SLIT1: variants seen among roughly 807,000 people sequenced by gnomAD.
SLIT1 encodes slit homolog 1 protein.
In SLIT1, 66 loss-of-function variants were observed where a neutral mutation model predicts 186.1. That is an observed-to-expected ratio of 0.35 (90% CI 0.29 to 0.44). The LOEUF (loss-of-function observed/expected upper bound fraction) is 0.44, where lower values mean the gene tolerates loss of function less well. Among genes scored for constraint, SLIT1 ranks in the 20% least tolerant of loss-of-function variants. SLIT1 has a pLI of 1.00. For missense variants in SLIT1, 1,638 were observed against 2,037.4 expected, an observed-to-expected ratio of 0.80 and a Z score of 3.77; for synonymous variants, 761 against 833.8, an observed-to-expected ratio of 0.91 and a Z score of 1.50.
At chr10:97,149,445 A>T (rs1270512063) in intron 4 of SLIT1, among the ~76,000 whole-genome samples, 1 of 152,158 alleles carries the variant, frequency 6.6e-6, no homozygotes, top group Non-Finnish European at 1.5e-5. Flanking sequence ...CTTACTTAGC[A>T]TGGCTCTCAC....
chr10:97,039,935 C>T, intron 21 of SLIT1, 53 bp downstream of exon 21: 1 of 1,594,640 alleles, frequency 6.3e-7, no homozygotes, highest in Non-Finnish European at 8.5e-7. Context: ...AATGCCCCCA[C>T]TGTCCCCGTC....
chr10:97,146,904 A>G (rs1441346511), intron 4 of SLIT1, among the ~76,000 whole-genome samples: 1 of 152,078 alleles, frequency 6.6e-6, no homozygotes, highest in Non-Finnish European at 1.5e-5. Flanking sequence ...CCTCTGTCCA[A>G]TCTGGTGGAA....
At chr10:97,170,298 A>T (rs1850170795) in intron 1 of SLIT1, among the ~76,000 whole-genome samples, 1 of 152,182 alleles carries the variant, frequency 6.6e-6, no homozygotes, top group Non-Finnish European at 1.5e-5. Flanking sequence ...TGATGGTAAG[A>T]CCCACTTCTT....
At position 97,000,990 on chromosome 10, in the gene SLIT1, C is replaced by T. The variant is rs1421761682; in HGVS notation, c.*122G>A. 1.3e-5 allele frequency: 10 copies of T among 745,402 alleles called. No individual in the cohort carries two copies. Among genetic ancestry groups the T allele is most frequent in the African/African-American group, 1.8e-5 (1 of 56,792 alleles). 46.2% of individuals were successfully genotyped at this position (745,402 alleles called of 1,614,324 possible). A position where few individuals can be genotyped will look rare whatever the true frequency, so the allele number is the denominator to read the frequency against. On this transcript the variant is annotated 3_prime_UTR_variant, in exon 37 of 37. Transcript: ENST00000266058. Reference sequence around the variant, plus strand: ...TCTGGCACCACCCCACCCAGGAGGGCCCAGCTGCCCAGGAGCCGTCCTGTG... The same window carrying T: ...TCTGGCACCACCCCACCCAGGAGGGTCCAGCTGCCCAGGAGCCGTCCTGTG...
intron 1 of SLIT1, among the ~76,000 whole-genome samples, chr10:97,171,147 T>C (rs1042054340): frequency 1.1e-4 from 16 of 152,178 alleles, no homozygotes; most frequent in Admixed American, 1.0e-3. Flanking sequence ...TGCTTTGAAA[T>C]CTTACCCTGG....
At chr10:97,017,852 T>TC (rs1848467252) in intron 28 of SLIT1, among the ~76,000 whole-genome samples, 1 of 150,248 alleles carries the variant, frequency 6.7e-6, no homozygotes, top group African/African-American at 2.4e-5. Flanking sequence ...TCTTTTCTTT[T>TC]TTTTTTTTTT....
intron 5 of SLIT1, chr10:97,065,600 G>A (rs2134641257): frequency 5.6e-6 from 1 of 178,298 alleles, no homozygotes; most frequent in Non-Finnish European, 1.2e-5. Flanking sequence ...CCATTTTCCA[G>A]AACAATATAT....
At chr10:97,063,425 G>A (rs1343281375) in intron 8 of SLIT1, 30 bp downstream of exon 8, 2 of 1,610,914 alleles carry the variant, frequency 1.2e-6, no homozygotes. Context: ...GCGCCGGACA[G>A]TTGAGAGCCC....
chr10:97,173,665 G>A (rs1850220026), intron 1 of SLIT1, among the ~76,000 whole-genome samples: 1 of 152,136 alleles, frequency 6.6e-6, no homozygotes, highest in Non-Finnish European at 1.5e-5. Flanking sequence ...CAGAGGGCCT[G>A]AGGCCCCAAT....
chr10:97,088,387 TG>T (rs939659238), intron 4 of SLIT1, among the ~76,000 whole-genome samples: 1 of 152,188 alleles, frequency 6.6e-6, no homozygotes, highest in Non-Finnish European at 1.5e-5. Context: ...ATATTGGGCC[TG>T]GAAGAGTAGT....
Position 97,047,006 on chromosome 10 carries a change from G to T in SLIT1, c.1694C>A (p.Thr565Lys), listed in dbSNP as rs781035107. Reference sequence around the variant, plus strand: ...GGTAACTCACATTTTCTTCAGATGTGTAAGTTTTTTAAACATCCCAGTGGC... The same window carrying T: ...GGTAACTCACATTTTCTTCAGATGTTTAAGTTTTTTAAACATCCCAGTGGC... The part of the protein sequence containing the change: ...LEATGMFKKL[T>K]HLKKINLSNN... The change falls in exon 17 of 37, where the codon ACA becomes AAA. Residue 565 changes from threonine (T) to lysine (K), a missense_variant. Physicochemically the swap from Thr to Lys is moderately conservative, Grantham distance 78 (BLOSUM62 -1). Coordinates refer to ENST00000266058, the MANE Select transcript of SLIT1 (RefSeq NM_003061.3). 2.5e-6 allele frequency: 4 copies of T among 1,610,838 alleles called. No individual in the cohort carries two copies. In the South Asian group the frequency reaches 4.4e-5, roughly 18 times the overall value.
In SLIT1 at chr10:97,043,395, C is replaced by T. The variant is rs959622869; in HGVS notation, c.1972G>A (p.Asp658Asn). Residue 658 changes from aspartate (D) to asparagine (N), a missense_variant, in exon 19 of 37, where the codon GAC becomes AAC. Physicochemically the swap from Asp to Asn is conservative, Grantham distance 23 (BLOSUM62 1). Around this residue, in one of 3 missense-constraint regions of SLIT1, gnomAD observed 1,245 missense variants for 1,535.3 expected, o/e 0.81. Transcript: ENST00000266058. The surrounding 1 kb of genome is among the most constrained non-coding windows in gnomAD (Gnocchi z 7.0). ...AGTGTGGAGAGGGACTGGAGGGTGT[C>T]GAAGGCTCCTGGGGATACGGTGGTG... ...QITTVSPGAF[D>N]TLQSLSTLNL... 5 of 1,613,734 alleles carry T rather than the reference C, an allele frequency of 3.1e-6. No individual in the cohort carries two copies. The South Asian group carries it at 4.4e-5, about 14-fold the overall frequency.
chr10:97,114,434 C>G (rs930295316), intron 4 of SLIT1, among the ~76,000 whole-genome samples: 3 of 152,192 alleles, frequency 2.0e-5, no homozygotes, highest in African/African-American at 7.2e-5. Context: ...GCAGGAGGAT[C>G]ATTTGAGGCC....
At chr10:97,086,465 C>A (rs988455495) in intron 4 of SLIT1, among the ~76,000 whole-genome samples, 1 of 151,858 alleles carries the variant, frequency 6.6e-6, no homozygotes, top group Non-Finnish European at 1.5e-5. Context: ...GTAGTCCCAG[C>A]TACTTGGGAG....
chr10:97,094,925 TTC>T (rs766086976), intron 4 of SLIT1, among the ~76,000 whole-genome samples: 1 of 152,206 alleles, frequency 6.6e-6, no homozygotes, highest in Non-Finnish European at 1.5e-5. Context: ...AATGATGTAA[TTC>T]TCTGCTTTAA....
At chr10:97,135,845 A>T (rs1177601985) in intron 4 of SLIT1, among the ~76,000 whole-genome samples, 2 of 152,136 alleles carry the variant, frequency 1.3e-5, no homozygotes, top group African/African-American at 4.8e-5. Context: ...TGGGCATAGG[A>T]GGAGATCATT....
intron 18 of SLIT1, among the ~76,000 whole-genome samples, chr10:97,045,502 C>T (rs1848726697): frequency 6.6e-6 from 1 of 152,060 alleles, no homozygotes; most frequent in Non-Finnish European, 1.5e-5. Context: ...TTGTTTATAC[C>T]AACAATTAAC....
chr10:97,013,280 C>T (rs911040259), intron 30 of SLIT1, among the ~76,000 whole-genome samples: 2 of 152,312 alleles, frequency 1.3e-5, no homozygotes, highest in East Asian at 1.9e-4. Flanking sequence ...CAAATACGTC[C>T]ACCTCAGATC....
Position 97,001,171 on chromosome 10 carries a change from T to A in SLIT1, c.4546A>T (p.Thr1516Ser). 1 of 1,613,118 alleles carries A rather than the reference T, an allele frequency of 6.2e-7. No individual in the cohort carries two copies. Among genetic ancestry groups the A allele is most frequent in the Non-Finnish European group, 8.5e-7 (1 of 1,179,822 alleles). ...RKFTFECSDG[T>S]SFAEEVEKPT... ...TTTTCCACCTCCTCGGCAAAAGAGG[T>A]CCCATCGCTGCACTCAAAGGTGAAC... Residue 1516 changes from threonine (T) to serine (S), a missense_variant, in exon 37 of 37, where the codon ACC becomes TCC. Thr to Ser is a moderately conservative substitution (Grantham distance 58, BLOSUM62 1). Around this residue, in one of 3 missense-constraint regions of SLIT1, gnomAD observed 220 missense variants for 211.3 expected, o/e 1.04. Transcript: ENST00000266058.
Sources: allele counts gnomAD v4.1 joint callset (sites outside exome capture counted in the v4.1 genomes callset), GRCh38; gene constraint gnomAD v4.1.1; regional missense constraint gnomAD v4.1.1; non-coding constraint Gnocchi (gnomAD v3.1); transcripts MANE v1.5; gene names NCBI Gene and HGNC (gene_info 2026-07-23, HGNC 2026-07-21).